The following GRIN2A variants were observed in gnomAD, a reference collection of about 807,000 sequenced individuals.
The protein encoded by GRIN2A is glutamate receptor ionotropic, NMDA 2A.
A neutral mutation model predicts 113.4 loss-of-function variants in GRIN2A; 22 were observed. The observed-to-expected ratio is 0.19, with a 90% CI of 0.14 to 0.28. The LOEUF (loss-of-function observed/expected upper bound fraction) is 0.28. Among genes scored for constraint, GRIN2A ranks in the 10% least tolerant of loss-of-function variants. GRIN2A has a pLI of 1.00. For missense variants in GRIN2A, 1,502 were observed against 1,887.0 expected (o/e 0.80, Z 3.78); for synonymous variants, 827 against 738.4 (o/e 1.12, Z -1.94).
At chr16:9,768,242 G>T (rs1265091074) in intron 12 of GRIN2A, among the ~76,000 whole-genome samples, 3 of 151,944 alleles carry the variant, frequency 2.0e-5, no homozygotes, top group African/African-American at 2.4e-5. Flanking sequence ...TAGAGAAGGG[G>T]GGGGTCTCAC....
chr16:10,070,336 C>T (rs951349278), intron 2 of GRIN2A, among the ~76,000 whole-genome samples: 68 of 152,202 alleles, frequency 4.5e-4, no homozygotes, highest in African/African-American at 1.5e-3. Context: ...CAGCATCTCC[C>T]AGGAGCTTCT....
chr16:10,052,875 T>G (rs1325118195), intron 2 of GRIN2A, among the ~76,000 whole-genome samples: 1 of 151,870 alleles, frequency 6.6e-6, no homozygotes, highest in Non-Finnish European at 1.5e-5. Flanking sequence ...TGGTGAAACC[T>G]CATCTCTACT....
intron 2 of GRIN2A, among the ~76,000 whole-genome samples, chr16:10,153,364 C>A (rs532280855): frequency 3.3e-5 from 5 of 152,138 alleles, no homozygotes; most frequent in Non-Finnish European, 7.3e-5. Flanking sequence ...ACTTGCCAGG[C>A]AGTATCTAGG....
intron 2 of GRIN2A, among the ~76,000 whole-genome samples, chr16:10,093,704 C>T (rs1472951338): frequency 6.6e-6 from 1 of 152,198 alleles, no homozygotes; most frequent in African/African-American, 2.4e-5. Flanking sequence ...AAACATGTCA[C>T]TGTCACGTGA....
At chr16:9,993,209 G>A (rs1036361007) in intron 2 of GRIN2A, among the ~76,000 whole-genome samples, 7 of 151,908 alleles carry the variant, frequency 4.6e-5, no homozygotes, top group Non-Finnish European at 7.4e-5. Flanking sequence ...CTCCAGCCTC[G>A]GCTACACAGC....
At chr16:10,113,814 T>A (rs1183694054) in intron 2 of GRIN2A, among the ~76,000 whole-genome samples, 1 of 152,236 alleles carries the variant, frequency 6.6e-6, no homozygotes, top group African/African-American at 2.4e-5. Context: ...GACAGCGTTA[T>A]TGAGTTGAAA....
In GRIN2A at chr16:10,133,522, GC is replaced by G. The variant is rs373133415; in HGVS notation, c.414+46475del. ...CTCTGAAGGCTGAGGCACGAGAAGCGCTTGAACCCGGGAGGTGGAGGTTGCA... is the reference window on the plus strand; with the variant it reads ...CTCTGAAGGCTGAGGCACGAGAAGCGTTGAACCCGGGAGGTGGAGGTTGCA... On this transcript the variant is annotated intron_variant, in intron 2 of 12. Coordinates refer to ENST00000330684, the MANE Select transcript of GRIN2A (RefSeq NM_001134407.3). 2.6e-3 allele frequency among the ~76,000 whole-genome samples: 395 copies of G among 152,278 alleles called. 4 individuals are homozygous for G. Among genetic ancestry groups the G allele is most frequent in the African/African-American group, 9.2e-3 (384 of 41,528 alleles).
intron 2 of GRIN2A, among the ~76,000 whole-genome samples, chr16:9,996,378 C>T (rs931548162): frequency 1.3e-5 from 2 of 152,180 alleles, no homozygotes; most frequent in African/African-American, 4.8e-5. Context: ...CCTGGGCTCC[C>T]CTGAGCAGCT....
At chr16:9,850,929 T>C (rs1479111790) in intron 4 of GRIN2A, among the ~76,000 whole-genome samples, 1 of 152,142 alleles carries the variant, frequency 6.6e-6, no homozygotes, top group Non-Finnish European at 1.5e-5. Flanking sequence ...TTCTCCCTTC[T>C]CCTCCTGCTC....
chr16:10,084,598 C>A (rs990017149), intron 2 of GRIN2A, among the ~76,000 whole-genome samples: 2 of 152,054 alleles, frequency 1.3e-5, no homozygotes, highest in Admixed American at 1.3e-4. Context: ...ATGTTGGGTG[C>A]CTGCCTCTTA....
At chr16:9,907,009 C>G (rs550788828) in intron 3 of GRIN2A, among the ~76,000 whole-genome samples, 1 of 152,254 alleles carries the variant, frequency 6.6e-6, no homozygotes, top group South Asian at 2.1e-4. Context: ...GACAGGGTTT[C>G]ACCACATTGC....
intron 10 of GRIN2A, among the ~76,000 whole-genome samples, chr16:9,804,364 AG>A (rs1455870814): frequency 2.0e-5 from 3 of 152,110 alleles, no homozygotes; most frequent in African/African-American, 7.2e-5. Flanking sequence ...CTTAGAACCA[AG>A]AGCATCCAAC....
intron 2 of GRIN2A, among the ~76,000 whole-genome samples, chr16:9,964,649 T>G (rs2045515108): frequency 6.6e-6 from 1 of 152,122 alleles, no homozygotes; most frequent in Non-Finnish European, 1.5e-5. Flanking sequence ...TATGACTCCT[T>G]CCTTCATCTT....
At chr16:10,038,400 C>T (rs1231920200) in intron 2 of GRIN2A, among the ~76,000 whole-genome samples, 4 of 152,090 alleles carry the variant, frequency 2.6e-5, no homozygotes, top group Non-Finnish European at 4.4e-5. Context: ...TTTCTTAACC[C>T]CAGCACTGCG....
At chr16:9,983,042 T>C (rs77156032) in intron 2 of GRIN2A, among the ~76,000 whole-genome samples, 4,623 of 152,292 alleles carry the variant, frequency 0.03, 239 homozygotes, top group African/African-American at 0.1. Flanking sequence ...CTTCAATACA[T>C]GTATACAATG....
chr16:10,094,250 G>A (rs371844107), intron 2 of GRIN2A, among the ~76,000 whole-genome samples: 5 of 152,208 alleles, frequency 3.3e-5, no homozygotes, highest in African/African-American at 9.6e-5. Flanking sequence ...TCAGGAGGCT[G>A]TAATTTTTAA....
intron 3 of GRIN2A, among the ~76,000 whole-genome samples, chr16:9,904,261 T>C (rs1477308742): frequency 1.3e-5 from 2 of 152,242 alleles, no homozygotes; most frequent in Non-Finnish European, 2.9e-5. Context: ...CCAGCAGATT[T>C]GGTGTCTGGT....
At chr16:10,164,432 G>C (rs1418325836) in intron 2 of GRIN2A, among the ~76,000 whole-genome samples, 1 of 152,178 alleles carries the variant, frequency 6.6e-6, no homozygotes, top group Non-Finnish European at 1.5e-5. Flanking sequence ...ACAAACAAGG[G>C]CTTCCCATCC....
intron 2 of GRIN2A, among the ~76,000 whole-genome samples, chr16:9,947,756 C>G (rs375103743): frequency 1.6e-4 from 25 of 152,178 alleles, no homozygotes; most frequent in African/African-American, 5.5e-4. Flanking sequence ...GGACAAAATC[C>G]TTACTAGCTC....
Sources: allele counts gnomAD v4.1 joint callset (sites outside exome capture counted in the v4.1 genomes callset), GRCh38; gene constraint gnomAD v4.1.1; transcripts MANE v1.5; gene names NCBI Gene and HGNC (gene_info 2026-07-23, HGNC 2026-07-21).